Variants in GALNT13 observed in about 807,000 individuals in gnomAD.
GALNT13 encodes the protein polypeptide N-acetylgalactosaminyltransferase 13.
GALNT13 carries 28 observed loss-of-function variants against 64.2 expected under a neutral mutation model. The ratio of observed to expected loss-of-function variants is 0.44; its 90% confidence interval spans 0.32 to 0.60. The LOEUF (loss-of-function observed/expected upper bound fraction) is 0.60. Among genes scored for constraint, GALNT13 ranks in the 20% least tolerant of loss-of-function variants. The probability of loss-of-function intolerance (pLI) is 0.05; values close to 1 mark genes in which losing one functional copy is unlikely to be tolerated. For synonymous variants in GALNT13, 214 were observed against 224.6 expected (o/e 0.95, Z 0.42); for missense variants, 577 against 669.8 (o/e 0.86, Z 1.53).
At chr2:153,617,579 G>A in the GALNT13 span, among the ~76,000 whole-genome samples, 1 of 151,812 alleles carries the variant, frequency 6.6e-6, no homozygotes, top group African/African-American at 2.4e-5. Flanking sequence ...CCTTGTATCA[G>A]TTTGGAAGTA....
the GALNT13 span, among the ~76,000 whole-genome samples, chr2:153,243,335 A>G: frequency 7.2e-5 from 11 of 152,154 alleles, no homozygotes; most frequent in African/African-American, 2.7e-4. Context: ...TGTTTTACCT[A>G]CCTTGGAGCA....
chr2:153,873,367 T>C (rs1482546832), intron 1 of GALNT13, among the ~76,000 whole-genome samples: 2 of 152,360 alleles, frequency 1.3e-5, no homozygotes. Flanking sequence ...GCTGCTACTC[T>C]GGACAGCGAA....
At chr2:153,262,417 A>G in the GALNT13 span, among the ~76,000 whole-genome samples, 8 of 152,200 alleles carry the variant, frequency 5.3e-5, no homozygotes, top group Non-Finnish European at 1.5e-5. Flanking sequence ...TAACAACTCA[A>G]AAGGAGGGAT....
At chr2:153,556,336 T>C in the GALNT13 span, among the ~76,000 whole-genome samples, 8 of 152,216 alleles carry the variant, frequency 5.3e-5, no homozygotes, top group Non-Finnish European at 7.3e-5. Context: ...CTTCAGTCTA[T>C]AAACTTTACA....
chr2:153,827,499 C>T, the GALNT13 span, among the ~76,000 whole-genome samples: 1 of 152,006 alleles, frequency 6.6e-6, no homozygotes, highest in Non-Finnish European at 1.5e-5. Context: ...GTTGTGGACA[C>T]CTGTAGTCCC....
chr2:153,213,806 A>G, the GALNT13 span, among the ~76,000 whole-genome samples: 2 of 152,342 alleles, frequency 1.3e-5, no homozygotes, highest in Middle Eastern at 3.4e-3. Context: ...TAAATATATG[A>G]CAAATTGTAG....
At chr2:154,352,281 C>T (rs1696457509) in intron 9 of GALNT13, among the ~76,000 whole-genome samples, 2 of 152,284 alleles carry the variant, frequency 1.3e-5, no homozygotes, top group South Asian at 2.1e-4. Flanking sequence ...TGCAGTTGGC[C>T]TCCCATAGCT....
the GALNT13 span, among the ~76,000 whole-genome samples, chr2:153,088,409 A>C: frequency 6.4e-4 from 97 of 152,220 alleles, no homozygotes; most frequent in Non-Finnish European, 1.1e-3. Flanking sequence ...AGAATGTTCC[A>C]TGTGCAGATC....
the GALNT13 span, among the ~76,000 whole-genome samples, chr2:153,078,249 T>G: frequency 6.6e-6 from 1 of 152,118 alleles, no homozygotes; most frequent in Non-Finnish European, 1.5e-5. Flanking sequence ...TTCTATCAAC[T>G]TTGGGATTTT....
chr2:153,767,552 T>G, the GALNT13 span, among the ~76,000 whole-genome samples: 3 of 152,166 alleles, frequency 2.0e-5, no homozygotes, highest in African/African-American at 7.2e-5. Flanking sequence ...GTTGAACTTA[T>G]TTACATACCC....
the GALNT13 span, among the ~76,000 whole-genome samples, chr2:153,688,496 T>C: frequency 2.0e-5 from 3 of 152,026 alleles, no homozygotes; most frequent in East Asian, 1.9e-4. Flanking sequence ...CATTAGTATA[T>C]AGTGTATAGT....
At chr2:154,192,500 A>G (rs1363204957) in intron 4 of GALNT13, among the ~76,000 whole-genome samples, 1 of 151,150 alleles carries the variant, frequency 6.6e-6, no homozygotes, top group Non-Finnish European at 1.5e-5. Flanking sequence ...ATTTACATTC[A>G]CATGGATTGA....
the GALNT13 span, among the ~76,000 whole-genome samples, chr2:153,325,211 C>T: frequency 8.2e-4 from 105 of 128,562 alleles, no homozygotes; most frequent in Admixed American, 4.6e-3. Flanking sequence ...TTGACTTCTT[C>T]CTTGTTTAGT....
intron 3 of GALNT13, among the ~76,000 whole-genome samples, chr2:153,991,888 C>T (rs184207040): frequency 4.6e-5 from 7 of 152,204 alleles, no homozygotes; most frequent in Admixed American, 4.6e-4. Flanking sequence ...TCATCATCAT[C>T]TGATGATCAC....
chr2:154,022,040 C>T (rs965965536), intron 3 of GALNT13, among the ~76,000 whole-genome samples: 2 of 152,072 alleles, frequency 1.3e-5, no homozygotes, highest in African/African-American at 4.8e-5. Flanking sequence ...GCCTTGCATC[C>T]CAGGGATGAA....
At chr2:153,529,314 G>A in the GALNT13 span, among the ~76,000 whole-genome samples, 3 of 152,082 alleles carry the variant, frequency 2.0e-5, no homozygotes, top group African/African-American at 7.2e-5. Flanking sequence ...AAATCTAGAA[G>A]AAATGGACAA....
At chr2:154,390,690 T>A (rs34276659) in intron 9 of GALNT13, among the ~76,000 whole-genome samples, 8,379 of 152,270 alleles carry the variant, frequency 0.055, 251 homozygotes, top group Middle Eastern at 0.12. Flanking sequence ...TAGGAGCCCA[T>A]AAATTTTATC....
the GALNT13 span, among the ~76,000 whole-genome samples, chr2:153,272,081 C>T: frequency 1.4e-3 from 218 of 152,056 alleles, 1 homozygote; most frequent in Admixed American, 4.9e-3. Context: ...AAATTGAAAC[C>T]GGACCCCTTT....
chr2:154,228,867 A>T (rs748355020), intron 4 of GALNT13, among the ~76,000 whole-genome samples: 6 of 152,072 alleles, frequency 3.9e-5, no homozygotes, highest in Non-Finnish European at 8.8e-5. Flanking sequence ...AGGAATTTAG[A>T]TAAAACAAAT....
Sources: allele counts gnomAD v4.1 joint callset (sites outside exome capture counted in the v4.1 genomes callset), GRCh38; gene constraint gnomAD v4.1.1; transcripts MANE v1.5; gene names NCBI Gene and HGNC (gene_info 2026-07-23, HGNC 2026-07-21).